The following RAB3GAP1 variants were observed in gnomAD, a reference collection of about 807,000 sequenced individuals.
RAB3GAP1 encodes rab3 GTPase-activating protein catalytic subunit.
RAB3GAP1 carries 86 observed loss-of-function variants against 130.7 expected under a neutral mutation model. That is an observed-to-expected ratio of 0.66 (90% CI 0.55 to 0.79). RAB3GAP1 has a LOEUF of 0.79. Ranked by LOEUF, RAB3GAP1 falls within the 30% of genes least tolerant of loss-of-function variation. RAB3GAP1 has a pLI of 0.00. For missense variants in RAB3GAP1, 1,029 were observed against 1,169.4 expected (o/e 0.88, Z 1.75); for synonymous variants, 367 against 401.7 (o/e 0.91, Z 1.03).
At chr2:135,112,944 A>G (rs917995704) in intron 5 of RAB3GAP1, among the ~76,000 whole-genome samples, 1 of 152,162 alleles carries the variant, frequency 6.6e-6, no homozygotes, top group Admixed American at 6.5e-5. Flanking sequence ...TCTAATTTGT[A>G]AAGAATAGAG....
At chr2:135,081,104 C>T (rs1168603968) in intron 3 of RAB3GAP1, among the ~76,000 whole-genome samples, 2 of 151,324 alleles carry the variant, frequency 1.3e-5, no homozygotes, top group Non-Finnish European at 2.9e-5. Context: ...GACCATATTA[C>T]GTATTATATC....
At chr2:135,107,985 A>T (rs1419432765) in intron 5 of RAB3GAP1, among the ~76,000 whole-genome samples, 2 of 150,408 alleles carry the variant, frequency 1.3e-5, no homozygotes, top group African/African-American at 4.9e-5. Flanking sequence ...CAAAAAAAAA[A>T]AAAAAAAAAA....
chr2:135,153,629 A>G lies in RAB3GAP1; in HGVS notation c.2062-20A>G, dbSNP rs779501779. The G allele has an allele frequency of 1.2e-6, 2 of 1,609,708 alleles. No individual in the cohort carries two copies. Among genetic ancestry groups the G allele is most frequent in the Admixed American group, 1.7e-5 (1 of 59,984 alleles). Reference sequence around the variant, plus strand: ...GTTGATTTTCATTTGATTCTGCTGAATTTTTTTGTCTTATTTTAGGCAGCT... The same window carrying G: ...GTTGATTTTCATTTGATTCTGCTGAGTTTTTTTGTCTTATTTTAGGCAGCT... On this transcript the variant is annotated intron_variant, in intron 18 of 23. Transcript: ENST00000264158.
intron 11 of RAB3GAP1, 39 bp from the exon 12 acceptor site, chr2:135,129,956 T>G (rs1232627326): frequency 7.5e-7 from 1 of 1,327,620 alleles, no homozygotes; most frequent in Admixed American, 1.8e-5. Flanking sequence ...TTTTTTTTTT[T>G]TCAGTTAAGT....
intron 5 of RAB3GAP1, among the ~76,000 whole-genome samples, chr2:135,097,133 A>G (rs907991503): frequency 2.6e-5 from 4 of 151,850 alleles, no homozygotes; most frequent in Non-Finnish European, 5.9e-5. Context: ...GAACAGTTCT[A>G]TAACACCCCC....
chr2:135,094,667 C>G (rs939508375), intron 5 of RAB3GAP1, among the ~76,000 whole-genome samples: 2 of 152,182 alleles, frequency 1.3e-5, no homozygotes, highest in African/African-American at 4.8e-5. Context: ...TTCTACCCAG[C>G]TTCCCACTTC....
intron 22 of RAB3GAP1, among the ~76,000 whole-genome samples, chr2:135,163,650 T>G (rs1215315648): frequency 1.3e-5 from 2 of 152,226 alleles, no homozygotes; most frequent in Non-Finnish European, 2.9e-5. Context: ...CCATTACCAA[T>G]GGAGCTTAGA....
chr2:135,113,719 C>G (rs1690887528), intron 6 of RAB3GAP1, among the ~76,000 whole-genome samples: 1 of 151,972 alleles, frequency 6.6e-6, no homozygotes, highest in Admixed American at 6.6e-5. Context: ...ATGTGATTCT[C>G]AACTCATTTT....
intron 17 of RAB3GAP1, among the ~76,000 whole-genome samples, chr2:135,148,306 AAAT>A (rs1247004772): frequency 6.6e-6 from 1 of 152,184 alleles, no homozygotes; most frequent in Non-Finnish European, 1.5e-5. Flanking sequence ...CTTCACTGAA[AAAT>A]AATGACTTTA....
At chr2:135,165,425 T>G (rs1401110124) in intron 23 of RAB3GAP1, among the ~76,000 whole-genome samples, 1 of 152,216 alleles carries the variant, frequency 6.6e-6, no homozygotes, top group Non-Finnish European at 1.5e-5. Flanking sequence ...GTGATTACAC[T>G]AGAATGACCC....
At chr2:135,057,163 T>C (rs909760446) in intron 2 of RAB3GAP1, among the ~76,000 whole-genome samples, 1 of 152,222 alleles carries the variant, frequency 6.6e-6, no homozygotes, top group Non-Finnish European at 1.5e-5. Flanking sequence ...ATTTAAAGAT[T>C]GGTGACTAGT....
intron 2 of RAB3GAP1, 147 bp downstream of exon 2, chr2:135,052,632 TG>T: frequency 1.1e-6 from 1 of 945,548 alleles, no homozygotes; most frequent in Non-Finnish European, 1.7e-6. Context: ...CAGTCTTCTT[TG>T]GTCAACCGCA....
At position 135,168,632 on chromosome 2, in the gene RAB3GAP1, C is replaced by T. The variant is rs777581558; in HGVS notation, c.2797C>T (p.Pro933Ser). ...GCAGAACTCCGTGTCAGACTTCCCA[C>T]CCCCTGCTGGCCGGGAATTCATTTT... ...RRQNSVSDFP[P>S]PAGREFILRT... The change falls in exon 24 of 24, where the codon CCC (proline) becomes TCC (serine). Residue 933 changes from proline to serine, a missense_variant. Around this residue, in one of 3 missense-constraint regions of RAB3GAP1, gnomAD observed 146 missense variants for 143.7 expected, o/e 1.02. Transcript: ENST00000264158. 1.9e-6 allele frequency: 3 copies of T among 1,614,022 alleles called. No homozygotes were observed. The South Asian group carries it at 3.3e-5, about 18-fold the overall frequency.
downstream of RAB3GAP1, among the ~76,000 whole-genome samples, chr2:135,171,123 A>C (rs540657398): frequency 5.3e-5 from 8 of 152,110 alleles, no homozygotes; most frequent in African/African-American, 1.9e-4. Flanking sequence ...GGAATGGGCA[A>C]AATCCCAGAA....
At chr2:135,119,515 T>G (rs943209513) in intron 7 of RAB3GAP1, among the ~76,000 whole-genome samples, 1 of 152,226 alleles carries the variant, frequency 6.6e-6, no homozygotes, top group African/African-American at 2.4e-5. Flanking sequence ...CATTTGCTCC[T>G]TATTATAGGT....
Position 135,151,891 on chromosome 2 carries a change from G to GA in RAB3GAP1, c.2061+1385_2061+1386insA, listed in dbSNP as rs540573588. On this transcript the variant is annotated intron_variant, in intron 18 of 23. Coordinates refer to ENST00000264158, the MANE Select transcript of RAB3GAP1 (RefSeq NM_012233.3). ...GGAGGACATTCCAAATAGGAACTAC[G>GA]GAAGTTTTTCCCCATGGAAACATAC... Among the ~76,000 whole-genome samples, 6 of 152,276 alleles carry GA rather than the reference G, an allele frequency of 3.9e-5. No homozygotes were observed. In the East Asian group the frequency reaches 1.2e-3, roughly 29 times the overall value.
intron 17 of RAB3GAP1, among the ~76,000 whole-genome samples, chr2:135,138,172 A>G (rs142659823): frequency 0.01 from 1,517 of 151,412 alleles, 20 homozygotes; most frequent in African/African-American, 0.034. Flanking sequence ...AAAATGAAAG[A>G]GGCTCAACGC....
Position 135,130,033 on chromosome 2 carries a change from A to G in RAB3GAP1, c.1012A>G (p.Lys338Glu). The G allele has an allele frequency of 6.2e-7, 1 of 1,613,398 alleles. No individual in the cohort carries two copies. Among genetic ancestry groups the G allele is most frequent in the South Asian group, 1.1e-5 (1 of 90,858 alleles). ...VTEFFKICRRKESTDEILGRS... is the reference protein window; with the variant it reads ...VTEFFKICRREESTDEILGRS... The stretch of plus-strand genomic sequence containing the variant: ...TGAATTTTTTAAAATTTGCCGTCGA[A>G]AGGAGTCAACTGATGAGATTCTTGG... Residue 338 changes from lysine to glutamate, a missense_variant, in exon 12 of 24, where the codon AAG becomes GAG. Lys to Glu is a moderately conservative substitution (Grantham distance 56). Transcript: ENST00000264158.
chr2:135,174,835 G>A (rs960609805), downstream of RAB3GAP1, among the ~76,000 whole-genome samples: 2 of 152,200 alleles, frequency 1.3e-5, no homozygotes, highest in Admixed American at 6.5e-5. Flanking sequence ...AAGGGAGTGC[G>A]ACGGTGGGAG....
Sources: gnomAD v4.1 joint callset for allele counts (sites outside exome capture counted in the v4.1 genomes callset) on GRCh38, gnomAD v4.1.1 for gene constraint, gnomAD v4.1.1 regional missense constraint, MANE v1.5 for transcripts, NCBI Gene and HGNC (gene_info 2026-07-23, HGNC 2026-07-21) for gene names.